The following PLCE1 variants were observed in gnomAD, a reference collection of about 807,000 sequenced individuals.
PLCE1 encodes 1-phosphatidylinositol 4,5-bisphosphate phosphodiesterase epsilon-1.
Under a neutral mutation model 242.8 loss-of-function variants are expected in PLCE1, and 119 were observed. The ratio of observed to expected loss-of-function variants is 0.49; its 90% CI spans 0.42 to 0.57. PLCE1 has a LOEUF of 0.57. Among genes scored for constraint, PLCE1 ranks in the 20% least tolerant of loss-of-function variants. The pLI is 0.00. For missense variants in PLCE1, 2,441 were observed against 2,788.8 expected (o/e 0.88, Z 2.81); for synonymous variants, 945 against 1,017.4 (o/e 0.93, Z 1.35).
chr10:94,032,908 T>C (rs1381179804), intron 2 of PLCE1, among the ~76,000 whole-genome samples: 1 of 152,108 alleles, frequency 6.6e-6, no homozygotes, highest in African/African-American at 2.4e-5. Flanking sequence ...CAAAATAGAA[T>C]TAGCCCTCAT....
chr10:94,121,809 G>C (rs1210562677), intron 2 of PLCE1, among the ~76,000 whole-genome samples: 1 of 152,020 alleles, frequency 6.6e-6, no homozygotes, highest in Non-Finnish European at 1.5e-5. Context: ...ATTCTAGGAG[G>C]TCAGCCTCAG....
chr10:93,998,286 G>A (rs1000702859), intron 1 of PLCE1, among the ~76,000 whole-genome samples: 2 of 152,174 alleles, frequency 1.3e-5, no homozygotes, highest in African/African-American at 4.8e-5. Context: ...AGTAGGAGGA[G>A]ATGTTCTGGA....
At chr10:94,130,284 C>A (rs972909137) in intron 2 of PLCE1, among the ~76,000 whole-genome samples, 1 of 152,194 alleles carries the variant, frequency 6.6e-6, no homozygotes, top group African/African-American at 2.4e-5. Context: ...AGAGCAAGGG[C>A]ATAACTCCAA....
At chr10:94,032,341 G>C in intron 2 of PLCE1, 89 bp downstream of exon 2, 1 of 1,160,924 alleles carries the variant, frequency 8.6e-7, no homozygotes, top group Non-Finnish European at 1.3e-6. Flanking sequence ...TAATTGATGA[G>C]AAATTTTAAG....
At chr10:94,262,326 T>G (rs1329504113) in intron 13 of PLCE1, among the ~76,000 whole-genome samples, 168 bp from the exon 14 acceptor site, 2 of 152,200 alleles carry the variant, frequency 1.3e-5, no homozygotes, top group African/African-American at 2.4e-5. Context: ...ATTTGTTTTT[T>G]ATTCCTATCA....
At chr10:94,216,825 C>T (rs925456452) in intron 4 of PLCE1, among the ~76,000 whole-genome samples, 2 of 151,924 alleles carry the variant, frequency 1.3e-5, no homozygotes, top group Admixed American at 1.3e-4. Flanking sequence ...GAATGCGACT[C>T]GGCTGCATCA....
chr10:94,326,848 T>G (rs924555523), intron 32 of PLCE1, among the ~76,000 whole-genome samples: 4 of 152,202 alleles, frequency 2.6e-5, no homozygotes, highest in Non-Finnish European at 5.9e-5. Flanking sequence ...TTCTGTTAAC[T>G]TCACAGCTTT....
chr10:94,247,132 A>AAAC (rs1589414458), intron 8 of PLCE1, among the ~76,000 whole-genome samples: 1 of 151,468 alleles, frequency 6.6e-6, no homozygotes, highest in African/African-American at 2.4e-5. Context: ...AAAAAAAAAA[A>AAAC]AGTTAATATG....
chr10:94,163,492 T>G (rs1307578110), intron 3 of PLCE1, among the ~76,000 whole-genome samples: 1 of 152,184 alleles, frequency 6.6e-6, no homozygotes, highest in African/African-American at 2.4e-5. Flanking sequence ...TGCCTTTTTT[T>G]GTTTTCCATT....
At chr10:94,088,967 A>G in intron 2 of PLCE1, 1 of 976,304 alleles carries the variant, frequency 1.0e-6, no homozygotes, top group Non-Finnish European at 1.5e-6. Context: ...TCTGGATCGC[A>G]GCCCTCCCTC....
chr10:94,284,717 A>G, intron 21 of PLCE1, 131 bp from the exon 22 acceptor site: 1 of 684,068 alleles, frequency 1.5e-6, no homozygotes. Context: ...TGGGACATGT[A>G]TATGGATAAT....
intron 2 of PLCE1, among the ~76,000 whole-genome samples, chr10:94,050,057 G>A (rs2043720997): frequency 6.6e-6 from 1 of 152,158 alleles, no homozygotes; most frequent in African/African-American, 2.4e-5. Flanking sequence ...TCTATGAATA[G>A]TGCTAGTCTG....
chr10:94,219,018 T>C (rs1219562334), intron 4 of PLCE1, among the ~76,000 whole-genome samples: 1 of 149,058 alleles, frequency 6.7e-6, no homozygotes, highest in Non-Finnish European at 1.5e-5. Context: ...TAATTTTATG[T>C]ATAATTATAA....
chr10:94,239,413 G>T (rs2050429385), intron 7 of PLCE1, among the ~76,000 whole-genome samples: 1 of 152,202 alleles, frequency 6.6e-6, no homozygotes, highest in South Asian at 2.1e-4. Flanking sequence ...TGAAGAGGAT[G>T]CAGCAAGGCT....
At chr10:94,202,390 A>G (rs2049013555) in intron 4 of PLCE1, among the ~76,000 whole-genome samples, 1 of 152,002 alleles carries the variant, frequency 6.6e-6, no homozygotes, top group African/African-American at 2.4e-5. Flanking sequence ...GCTTCCTGTA[A>G]CAGAAAGTTT....
intron 4 of PLCE1, among the ~76,000 whole-genome samples, chr10:94,198,518 G>A (rs569251422): frequency 5.3e-5 from 8 of 152,186 alleles, no homozygotes; most frequent in East Asian, 3.9e-4. Flanking sequence ...ATACAGTTGC[G>A]TAATGACCAC....
intron 3 of PLCE1, chr10:94,139,039 T>G (rs2046874369): frequency 6.5e-6 from 1 of 153,062 alleles, no homozygotes; most frequent in Non-Finnish European, 1.5e-5. Context: ...TCCCAGCACT[T>G]TGGGAGGCCA....
At chr10:94,116,479 G>A (rs921183739) in intron 2 of PLCE1, among the ~76,000 whole-genome samples, 1 of 152,198 alleles carries the variant, frequency 6.6e-6, no homozygotes, top group Admixed American at 6.5e-5. Context: ...CAGATCACCT[G>A]AGATTAGGAG....
At chr10:94,099,623 A>G (rs1220427794) in intron 2 of PLCE1, 16 of 152,264 alleles carry the variant, frequency 1.1e-4, no homozygotes, top group Admixed American at 1.0e-3. Flanking sequence ...AAACCTACTC[A>G]ACAGATAACA....
Sources: gnomAD v4.1 joint callset for allele counts (sites outside exome capture counted in the v4.1 genomes callset) on GRCh38, gnomAD v4.1.1 for gene constraint, MANE v1.5 for transcripts, NCBI Gene and HGNC (gene_info 2026-07-23, HGNC 2026-07-21) for gene names.